Variants in HADHA observed in about 807,000 individuals in gnomAD.
HADHA encodes trifunctional enzyme subunit alpha, mitochondrial.
A neutral mutation model predicts 91.3 loss-of-function variants in HADHA; 59 were observed. The observed-to-expected ratio is 0.65, with a 90% CI of 0.52 to 0.80. HADHA has a LOEUF of 0.80. Ranked by LOEUF, HADHA falls within the 30% of genes least tolerant of loss-of-function variation. The probability of loss-of-function intolerance (pLI) is 0.00; values close to 1 mark genes in which losing one functional copy is unlikely to be tolerated. For synonymous variants in HADHA, 320 were observed against 338.9 expected (o/e 0.94, Z 0.61); for missense variants, 800 against 927.6 (o/e 0.86, Z 1.79).
chr2:26,236,598 G>T (rs1328436237), intron 4 of HADHA, among the ~76,000 whole-genome samples: 1 of 151,400 alleles, frequency 6.6e-6, no homozygotes, highest in East Asian at 1.9e-4. Context: ...TATTTTTAGT[G>T]GAGACAGGGT....
intron 1 of HADHA, 93 bp downstream of exon 1, chr2:26,244,437 G>C (rs1164214853): frequency 7.8e-7 from 1 of 1,282,514 alleles, no homozygotes; most frequent in African/African-American, 1.5e-5. Context: ...GGCTGGGGCA[G>C]GCGGCAGCGA....
intron 7 of HADHA, among the ~76,000 whole-genome samples, chr2:26,228,566 A>T (rs756932805): frequency 6.6e-6 from 1 of 152,252 alleles, no homozygotes; most frequent in Non-Finnish European, 1.5e-5. Context: ...ATGGAGTAAC[A>T]CTCAGCAATA....
intron 9 of HADHA, 80 bp from the exon 10 acceptor site, chr2:26,212,706 G>T: frequency 2.2e-6 from 2 of 919,296 alleles, no homozygotes; most frequent in Non-Finnish European, 3.7e-6. Flanking sequence ...AATTGCCAGT[G>T]TTGTTAGTCC....
intron 7 of HADHA, among the ~76,000 whole-genome samples, chr2:26,216,030 C>T (rs1241892242): frequency 6.6e-6 from 1 of 152,170 alleles, no homozygotes; most frequent in Non-Finnish European, 1.5e-5. Flanking sequence ...GCCTATAATC[C>T]CAGCACTTTG....
chr2:26,199,565 C>G (rs1201761339), intron 13 of HADHA, among the ~76,000 whole-genome samples: 1 of 152,176 alleles, frequency 6.6e-6, no homozygotes, highest in East Asian at 1.9e-4. Context: ...TATGTCTTTT[C>G]TCCCAGCTAG....
intron 6 of HADHA, among the ~76,000 whole-genome samples, chr2:26,230,572 T>C (rs528188549): frequency 6.6e-6 from 1 of 152,276 alleles, no homozygotes; most frequent in East Asian, 1.9e-4. Context: ...TCATGTTTCC[T>C]AAAATTGTAC....
At chr2:26,231,720 A>T (rs1038595195) in intron 6 of HADHA, among the ~76,000 whole-genome samples, 3 of 152,082 alleles carry the variant, frequency 2.0e-5, no homozygotes, top group African/African-American at 7.2e-5. Context: ...TAGTCCTAGC[A>T]CTTTGGGAGG....
chr2:26,205,617 T>TA (rs1669953052), intron 11 of HADHA, among the ~76,000 whole-genome samples: 1 of 151,876 alleles, frequency 6.6e-6, no homozygotes. Flanking sequence ...AGGTCAGGAG[T>TA]TCAAGACCAA....
intron 7 of HADHA, among the ~76,000 whole-genome samples, chr2:26,216,192 T>C (rs1204694464): frequency 6.6e-6 from 1 of 152,136 alleles, no homozygotes; most frequent in African/African-American, 2.4e-5. Flanking sequence ...AGAGCCACAT[T>C]GGAGGAGGTG....
Position 26,236,998 on chromosome 2 carries a change from G to A in HADHA, c.181-10C>T. ...TACTCAGTGTATTTACCTGCCAAAG[G>A]GAAATATATACAGGTAAGGGTTTAA... On this transcript the variant is annotated splice_polypyrimidine_tract_variant and intron_variant, in intron 3 of 19. Transcript: ENST00000380649. The A allele has an allele frequency of 6.3e-7, 1 of 1,598,002 alleles. No homozygotes were observed. Among genetic ancestry groups the A allele is most frequent in the Non-Finnish European group, 8.6e-7 (1 of 1,165,418 alleles).
At chr2:26,230,511 T>C (rs1670597615) in intron 6 of HADHA, among the ~76,000 whole-genome samples, 1 of 152,184 alleles carries the variant, frequency 6.6e-6, no homozygotes, top group Admixed American at 6.5e-5. Context: ...AAAAATGTCT[T>C]TATCTCTTAA....
At chr2:26,217,505 A>C (rs968139624) in intron 7 of HADHA, among the ~76,000 whole-genome samples, 27 of 152,224 alleles carry the variant, frequency 1.8e-4, no homozygotes, top group African/African-American at 4.8e-4. Flanking sequence ...AAATCCCAAC[A>C]AACCAAGGCA....
chr2:26,241,489 A>C (rs1005807482), intron 1 of HADHA, among the ~76,000 whole-genome samples: 5 of 151,552 alleles, frequency 3.3e-5, no homozygotes, highest in South Asian at 2.1e-4. Context: ...AAAAAAAAAA[A>C]ACAAAAAAAA....
chr2:26,214,505 C>CT lies in HADHA; in HGVS notation c.855dup (p.Val286SerfsTer10). ...GTCTGCTTTCGCACTTTTTCTTCCA[C>CT]TTTTTTGTAAACCTGTTGCCTGACA... is the stretch of plus-strand genomic sequence containing the variant. On this transcript the variant is annotated frameshift_variant, in exon 9 of 20. Coordinates refer to ENST00000380649, the MANE Select transcript of HADHA (RefSeq NM_000182.5). LOFTEE classifies it high-confidence loss of function. This position sits in a 1 kb window ranked among gnomAD's most constrained non-coding sequence, Gnocchi z 4.1. The CT allele has an allele frequency of 6.2e-7, 1 of 1,609,644 alleles. No homozygotes were observed. Among genetic ancestry groups the CT allele is most frequent in the Non-Finnish European group, 8.5e-7 (1 of 1,176,746 alleles).
At position 26,194,436 on chromosome 2, in the gene HADHA, CA is replaced by C; in HGVS notation, c.1689+133del. ...TTCCGACTGCTGTGCAGAGAGAGGGCACCAGGGACCTTCCTAGACAAGAGCA... is the reference window on the plus strand; with the variant it reads ...TTCCGACTGCTGTGCAGAGAGAGGGCCCAGGGACCTTCCTAGACAAGAGCA... On this transcript the variant is annotated intron_variant, in intron 16 of 19. Transcript: ENST00000380649. 5 of 725,512 alleles carry C rather than the reference CA, an allele frequency of 6.9e-6. No individual in the cohort carries two copies. In the Admixed American group the frequency reaches 1.0e-4, roughly 14 times the overall value. The allele number at this position is 725,512 out of a possible 1,614,324, so 44.9% of individuals were successfully genotyped here.
rs36063094 is a variant in HADHA at position 26,201,961 on chromosome 2, ATT to A, written c.1221-643_1221-642del. Among the ~76,000 whole-genome samples, 960 of 137,174 alleles carry A rather than the reference ATT, an allele frequency of 7.0e-3. 5 individuals carry two copies. The highest frequency in any genetic ancestry group is 0.011 in the South Asian group (47 of 4,180). The allele number at this position is 137,174 out of a possible 152,430, so 90.0% of individuals were successfully genotyped here. On this transcript the variant is annotated intron_variant, in intron 12 of 19. Coordinates refer to ENST00000380649, the MANE Select transcript of HADHA (RefSeq NM_000182.5). Reference sequence around the variant, plus strand: ...AGGCGCCCACCACCACGCCTGGCTAATTTTTTTTTTTTTTTTTTTAGTAGAGA... The same window carrying A: ...AGGCGCCCACCACCACGCCTGGCTAATTTTTTTTTTTTTTTTTAGTAGAGA...
intron 11 of HADHA, 73 bp downstream of exon 11, chr2:26,209,706 TA>T (rs747383193): frequency 8.6e-6 from 7 of 814,074 alleles, no homozygotes; most frequent in Non-Finnish European, 1.6e-5. Context: ...TCTAGCTCTG[TA>T]GATCTTCAAA....
rs186499456 is a variant in HADHA at position 26,191,496 on chromosome 2, C to T, written c.2133G>A (p.Pro711=). ...DIGAVFGLGF[P]PCLGGPFRFV... is the part of the protein sequence containing the mutation. The stretch of plus-strand genomic sequence containing the variant: ...TGCGAGACCAACCTCCCAGACAAGG[C>T]GGGAAGCCAAGCCCAAAGACGGCTC... Residue 711 remains proline (P), a synonymous_variant, in exon 19 of 20, where the codon CCG becomes CCA. Coordinates refer to ENST00000380649, the MANE Select transcript of HADHA (RefSeq NM_000182.5). 89 of 1,614,156 alleles carry T rather than the reference C, an allele frequency of 5.5e-5. No individual in the cohort carries two copies. Among genetic ancestry groups the T allele is most frequent in the Admixed American group, 1.5e-4 (9 of 60,026 alleles).
At position 26,229,341 on chromosome 2, in the gene HADHA, T is replaced by TGC. The variant is rs1416439731; in HGVS notation, c.676+849_676+850dup. On this transcript the variant is annotated intron_variant, in intron 7 of 19. Transcript: ENST00000380649. The surrounding 1 kb of genome is among the most constrained non-coding windows in gnomAD (Gnocchi z 4.3). ...CAACAGAGTGAGACCCCAACATGTGTGCGCGCGCACACACACACACACACA... is the reference window on the plus strand; with the variant it reads ...CAACAGAGTGAGACCCCAACATGTGTGCGCGCGCGCACACACACACACACACA... 4.6e-5 allele frequency among the ~76,000 whole-genome samples: 7 copies of TGC among 150,656 alleles called. No homozygotes were observed. The highest frequency in any genetic ancestry group is 2.1e-4 in the South Asian group (1 of 4,786).
Sources: allele counts gnomAD v4.1 joint callset (sites outside exome capture counted in the v4.1 genomes callset), GRCh38; gene constraint gnomAD v4.1.1; non-coding constraint Gnocchi (gnomAD v3.1); transcripts MANE v1.5; gene names NCBI Gene and HGNC (gene_info 2026-07-23, HGNC 2026-07-21).